Variants in RERE observed in about 807,000 individuals in gnomAD.
RERE encodes the protein arginine-glutamic acid dipeptide repeats protein.
In RERE, 40 loss-of-function variants were observed where a neutral mutation model predicts 146.1. The observed-to-expected ratio is 0.27, with a 90% CI of 0.21 to 0.36. The LOEUF (loss-of-function observed/expected upper bound fraction) is 0.36. Ranked by LOEUF, RERE falls within the 10% of genes least tolerant of loss-of-function variation. The probability of loss-of-function intolerance (pLI) is 1.00; values close to 1 mark genes in which losing one functional copy is unlikely to be tolerated. For synonymous variants in RERE, 1,003 were observed against 866.0 expected, an observed-to-expected ratio of 1.16 and a Z score of -2.78; for missense variants, 1,933 against 2,138.7, an observed-to-expected ratio of 0.90 and a Z score of 1.90.
rs111675547 is a variant in RERE, at chr1:8,583,629, G to T, written c.523-26106C>A. 9.6e-3 allele frequency among the ~76,000 whole-genome samples: 1,459 copies of T among 151,848 alleles called. 27 individuals are homozygous for T. The highest frequency in any genetic ancestry group is 0.034 in the African/African-American group (1,403 of 41,422). On this transcript the variant is annotated intron_variant, in intron 4 of 22. Coordinates refer to ENST00000400908, the MANE Select transcript of RERE (RefSeq NM_001042681.2). ...GCTCCCTGCCGGCACAAGGAGCCAA[G>T]GCAGGGGAGAAACTACCAGTAATGG...
At chr1:8,759,126 A>T (rs965759024) in intron 1 of RERE, among the ~76,000 whole-genome samples, 13 of 152,190 alleles carry the variant, frequency 8.5e-5, no homozygotes, top group Non-Finnish European at 1.3e-4. Flanking sequence ...ATAAATAAAA[A>T]TAAAAAGATA....
chr1:8,474,937 A>C (rs1055637869), intron 10 of RERE, among the ~76,000 whole-genome samples: 1 of 152,270 alleles, frequency 6.6e-6, no homozygotes, highest in Non-Finnish European at 1.5e-5. Flanking sequence ...CTGTTTATAC[A>C]TCACAAGAAA....
chr1:8,547,051 T>C (rs1201240651), intron 6 of RERE, among the ~76,000 whole-genome samples: 3 of 136,682 alleles, frequency 2.2e-5, no homozygotes, highest in African/African-American at 2.8e-5. Context: ...ATAAATCCAA[T>C]ACAATCCCAG....
chr1:8,517,959 A>T (rs1420789377), intron 7 of RERE, among the ~76,000 whole-genome samples: 1 of 152,208 alleles, frequency 6.6e-6, no homozygotes, highest in Admixed American at 6.5e-5. Context: ...TGGCAGGCAA[A>T]GGGAGGGTCT....
intron 1 of RERE, among the ~76,000 whole-genome samples, chr1:8,672,751 T>C (rs1638746161): frequency 6.6e-6 from 1 of 152,182 alleles, no homozygotes; most frequent in African/African-American, 2.4e-5. Context: ...TCAATCAATA[T>C]GTCAATCTTA....
chr1:8,580,640 C>G (rs867658691), intron 4 of RERE, among the ~76,000 whole-genome samples: 1 of 152,176 alleles, frequency 6.6e-6, no homozygotes, highest in South Asian at 2.1e-4. Context: ...AGTTCTATCA[C>G]TCCAGAAAGT....
At chr1:8,686,139 GCC>G (rs201476689) in intron 1 of RERE, among the ~76,000 whole-genome samples, 2,661 of 152,098 alleles carry the variant, frequency 0.017, 62 homozygotes, top group African/African-American at 0.059. Flanking sequence ...ACATCACCAT[GCC>G]TGGCTAATTT....
chr1:8,590,076 G>A (rs958409793), intron 4 of RERE, among the ~76,000 whole-genome samples: 6 of 152,086 alleles, frequency 3.9e-5, no homozygotes, highest in Non-Finnish European at 8.8e-5. Flanking sequence ...TCAGTCCCTT[G>A]CAGGAACACT....
At chr1:8,627,716 C>G (rs1360010795) in intron 2 of RERE, among the ~76,000 whole-genome samples, 9 of 152,024 alleles carry the variant, frequency 5.9e-5, no homozygotes, top group Admixed American at 5.2e-4. Context: ...TCCATAGGAT[C>G]ATTACTACAC....
chr1:8,733,738 G>C (rs1474981525), intron 1 of RERE, among the ~76,000 whole-genome samples: 1 of 152,206 alleles, frequency 6.6e-6, no homozygotes, highest in Non-Finnish European at 1.5e-5. Flanking sequence ...AAGGTGTGTG[G>C]GATAACAAAT....
intron 10 of RERE, among the ~76,000 whole-genome samples, chr1:8,483,747 C>G (rs1381324855): frequency 2.0e-5 from 3 of 152,150 alleles, no homozygotes; most frequent in Non-Finnish European, 4.4e-5. Flanking sequence ...TATGAAGCCA[C>G]TGGGAGCCTT....
intron 12 of RERE, among the ~76,000 whole-genome samples, chr1:8,368,166 G>C (rs779812217): frequency 6.6e-6 from 1 of 152,170 alleles, no homozygotes; most frequent in Non-Finnish European, 1.5e-5. Flanking sequence ...AGGGGCTACT[G>C]AATGATAAAA....
chr1:8,714,914 G>C (rs6693127), intron 1 of RERE, among the ~76,000 whole-genome samples: 3 of 151,526 alleles, frequency 2.0e-5, no homozygotes, highest in Admixed American at 2.0e-4. Context: ...TCACTCTGTC[G>C]CCAAGCCGGA....
chr1:8,727,623 A>G (rs1639998415), intron 1 of RERE, among the ~76,000 whole-genome samples: 1 of 152,092 alleles, frequency 6.6e-6, no homozygotes, highest in Admixed American at 6.5e-5. Flanking sequence ...CCTCCCAAGT[A>G]ACTGGGACTA....
intron 12 of RERE, among the ~76,000 whole-genome samples, chr1:8,405,920 C>T (rs1287655774): frequency 6.6e-6 from 1 of 152,126 alleles, no homozygotes; most frequent in Non-Finnish European, 1.5e-5. Flanking sequence ...CAGGTGTGAG[C>T]CACCGCAGCC....
chr1:8,509,834 C>T (rs1645309782), intron 7 of RERE, among the ~76,000 whole-genome samples: 1 of 152,176 alleles, frequency 6.6e-6, no homozygotes, highest in African/African-American at 2.4e-5. Context: ...AGAAGATGGC[C>T]TAAAAGGAGG....
intron 1 of RERE, among the ~76,000 whole-genome samples, chr1:8,720,117 A>C (rs566510141): frequency 6.6e-6 from 1 of 152,134 alleles, no homozygotes; most frequent in South Asian, 2.1e-4. Context: ...TACAAAAAAA[A>C]AAAAATTTAG....
At chr1:8,694,736 G>C (rs915868518) in intron 1 of RERE, among the ~76,000 whole-genome samples, 2 of 151,704 alleles carry the variant, frequency 1.3e-5, no homozygotes, top group African/African-American at 4.8e-5. Context: ...TCACGGCTGG[G>C]TGACAAAGCG....
At chr1:8,522,269 T>A (rs1645511481) in intron 7 of RERE, among the ~76,000 whole-genome samples, 1 of 152,272 alleles carries the variant, frequency 6.6e-6, no homozygotes, top group South Asian at 2.1e-4. Context: ...TTAGCTATTA[T>A]TTTCTACCTT....
Sources: allele counts gnomAD v4.1 joint callset (sites outside exome capture counted in the v4.1 genomes callset), GRCh38; gene constraint gnomAD v4.1.1; transcripts MANE v1.5; gene names NCBI Gene and HGNC (gene_info 2026-07-23, HGNC 2026-07-21).